Variants in LCOR observed in about 807,000 individuals in gnomAD.
The protein encoded by LCOR is ligand dependent nuclear receptor corepressor.
Under a neutral mutation model 64.4 loss-of-function variants are expected in LCOR, and 14 were observed. The ratio of observed to expected loss-of-function variants is 0.22; its 90% CI spans 0.14 to 0.34. LCOR has a LOEUF of 0.34. LCOR is among the 10% of genes least tolerant of loss of function. The pLI is 1.00. For synonymous variants in LCOR, 643 were observed against 642.5 expected, an observed-to-expected ratio of 1.00 and a Z score of -0.01; for missense variants, 1,686 against 1,765.3, an observed-to-expected ratio of 0.96 and a Z score of 0.80.
chr10:96,983,370 G>C lies in LCOR; in HGVS notation c.2910G>C (p.Arg970Ser). ...CCTCAGAAAGTATTGCTTGTAAGAG[G>C]GACCCAGAACAGGCAAAAGAAGAGC... ...HIPSESIACK[R>S]DPEQAKEEPG... Residue 970 changes from arginine to serine, a missense_variant, in exon 8 of 8, where the codon AGG becomes AGC. Physicochemically the swap from Arg to Ser is moderately radical, Grantham distance 110. Transcript: ENST00000421806. This position sits in a 1 kb window ranked among gnomAD's most constrained non-coding sequence, Gnocchi z 4.5. 6.2e-7 allele frequency: 1 copy of C among 1,614,166 alleles called. No homozygotes were observed.
Position 96,989,684 on chromosome 10 carries a change from TATATATA to T in LCOR, c.*4551_*4557del, listed in dbSNP as rs1239482476. On this transcript the variant is annotated 3_prime_UTR_variant, in exon 8 of 8. Coordinates refer to ENST00000421806, the MANE Select transcript of LCOR (RefSeq NM_001346516.2). ...AAACTCAAGGATAAGGATATATATA[TATATATA>T]TATATTTTTTTTTTTTTTTTTTTTT... 1.4e-5 allele frequency: 1 copy of T among 72,794 alleles called. No homozygotes were observed. The highest frequency in any genetic ancestry group is 8.1e-5 in the African/African-American group (1 of 12,346). The allele number at this position is 72,794 out of a possible 1,614,324, so 4.5% of individuals were successfully genotyped here. A position where few individuals can be genotyped will look rare whatever the true frequency, so the allele number is the denominator to read the frequency against.
chr10:96,862,459 TTTCACCATA>T (rs1190195997), intron 2 of LCOR, among the ~76,000 whole-genome samples: 1 of 151,998 alleles, frequency 6.6e-6, no homozygotes, highest in African/African-American at 2.4e-5. Context: ...AGAGATGGGG[TTTCACCATA>T]TTACCCAGGC....
At chr10:96,931,968 G>A (rs1847269307) in intron 4 of LCOR, among the ~76,000 whole-genome samples, 3 of 152,124 alleles carry the variant, frequency 2.0e-5, no homozygotes, top group African/African-American at 7.2e-5. Flanking sequence ...ATGCTATTGT[G>A]ATCAAAAACA....
chr10:96,915,100 C>T (rs1564624183), intron 4 of LCOR, among the ~76,000 whole-genome samples: 1 of 152,188 alleles, frequency 6.6e-6, no homozygotes, highest in Non-Finnish European at 1.5e-5. Context: ...TCTCTCAAAA[C>T]TAGGAGGGAA....
At chr10:96,930,186 G>A (rs6584106) in intron 4 of LCOR, among the ~76,000 whole-genome samples, 7,467 of 152,128 alleles carry the variant, frequency 0.049, 619 homozygotes, top group African/African-American at 0.17. Context: ...TGAAAGACAC[G>A]GTATCTGCCA....
intron 6 of LCOR, among the ~76,000 whole-genome samples, chr10:96,951,047 A>G (rs1438461370): frequency 1.3e-5 from 2 of 152,236 alleles, no homozygotes; most frequent in Non-Finnish European, 2.9e-5. Flanking sequence ...CGGAAATAAA[A>G]TGTCCTCAGA....
chr10:96,896,310 A>G (rs780363798), intron 2 of LCOR, among the ~76,000 whole-genome samples: 12 of 152,204 alleles, frequency 7.9e-5, no homozygotes, highest in Non-Finnish European at 1.6e-4. Flanking sequence ...ACATACCTCA[A>G]ATAGAGTTGA....
Position 96,985,987 on chromosome 10 carries a change from T to A in LCOR, c.*853T>A, listed in dbSNP as rs535283861. On this transcript the variant is annotated 3_prime_UTR_variant, in exon 8 of 8. Transcript: ENST00000421806. ...AGGAAAAAGCCTAGGATTTTTTTTT[T>A]CCATCTTGTAGCTGTAATTTGATGA... 6.0e-6 allele frequency: 1 copy of A among 167,194 alleles called. No homozygotes were observed. Among genetic ancestry groups the A allele is most frequent in the African/African-American group, 2.4e-5 (1 of 41,578 alleles). 10.4% of individuals were successfully genotyped at this position (167,194 alleles called of 1,614,324 possible).
rs756722720 is a variant in LCOR at position 96,982,015 on chromosome 10, C to T, written c.1555C>T (p.Leu519=). ...TTGTGAGCTGCCAACTGTTCGTACACTGGCCAGAAATTTACACTCCCAGGA... is the reference window on the plus strand; with the variant it reads ...TTGTGAGCTGCCAACTGTTCGTACATTGGCCAGAAATTTACACTCCCAGGA... The part of the protein sequence containing the change: ...DCCELPTVRT[L]ARNLHSQEKA... Residue 519 remains leucine, a synonymous_variant, in exon 8 of 8, where the codon CTG becomes TTG. Coordinates refer to ENST00000421806, the MANE Select transcript of LCOR (RefSeq NM_001346516.2). 3.7e-6 allele frequency: 6 copies of T among 1,614,062 alleles called. No individual in the cohort carries two copies. Among genetic ancestry groups the T allele is most frequent in the Non-Finnish European group, 5.1e-6 (6 of 1,180,044 alleles).
chr10:96,873,349 G>A (rs1846103882), intron 2 of LCOR, among the ~76,000 whole-genome samples: 1 of 152,078 alleles, frequency 6.6e-6, no homozygotes, highest in African/African-American at 2.4e-5. Context: ...GACAGTGGTT[G>A]TGCTTTGAAA....
chr10:96,896,499 G>A (rs902914577), intron 2 of LCOR, among the ~76,000 whole-genome samples: 4 of 151,916 alleles, frequency 2.6e-5, no homozygotes, highest in East Asian at 3.9e-4. Flanking sequence ...TCTTGGCTCA[G>A]TGCAGCCTCC....
In LCOR at chr10:96,949,184, C is replaced by T. The variant is rs976205751; in HGVS notation, c.127C>T (p.Pro43Ser). ...GAAAGCATCTCCAGTCACCACCTCT[C>T]CCACGGCTGCAACTACTCAGAACCC... ...LPKASPVTTSPTAATTQNPVL... is the reference protein window; with the variant it reads ...LPKASPVTTSSTAATTQNPVL... Residue 43 changes from proline to serine, a missense_variant, in exon 6 of 8, where the codon CCC (proline) becomes TCC (serine). Physicochemically the swap from Pro to Ser is moderately conservative, Grantham distance 74 (BLOSUM62 -1). Around this residue, in one of 3 missense-constraint regions of LCOR, gnomAD observed 80 missense variants for 107.7 expected, o/e 0.74. Coordinates refer to ENST00000421806, the MANE Select transcript of LCOR (RefSeq NM_001346516.2). The T allele has an allele frequency of 1.5e-5, 25 of 1,614,146 alleles. No homozygotes were observed. The highest frequency in any genetic ancestry group is 1.9e-5 in the Non-Finnish European group (22 of 1,180,016).
intron 4 of LCOR, among the ~76,000 whole-genome samples, chr10:96,930,382 A>G (rs2134488069): frequency 6.6e-6 from 1 of 152,310 alleles, no homozygotes; most frequent in South Asian, 2.1e-4. Flanking sequence ...TATAAAGTTT[A>G]TAAAGATTAT....
Position 96,984,549 on chromosome 10 carries a change from G to A in LCOR, c.4089G>A (p.Val1363=). 6.2e-7 allele frequency: 1 copy of A among 1,614,168 alleles called. No individual in the cohort carries two copies. The highest frequency in any genetic ancestry group is 8.5e-7 in the Non-Finnish European group (1 of 1,180,022). The part of the protein sequence containing the change: ...PLMSPKLALQ[V]DADGFPVKPK... ...TGTCCCCCAAGCTTGCCCTGCAAGT[G>A]GATGCAGATGGGTTTCCTGTTAAGC... Residue 1363 remains valine, a synonymous_variant, in exon 8 of 8, where the codon GTG becomes GTA. Coordinates refer to ENST00000421806, the MANE Select transcript of LCOR (RefSeq NM_001346516.2).
At chr10:96,956,114 T>G (rs550205615) in intron 7 of LCOR, 1 of 1,409,226 alleles carries the variant, frequency 7.1e-7, no homozygotes, top group South Asian at 1.6e-5. Context: ...ATGTGCAGTA[T>G]GGCTCGGAAT....
chr10:96,946,638 G>A lies in LCOR; in HGVS notation c.-50-2370G>A, dbSNP rs74153740. On this transcript the variant is annotated intron_variant, in intron 5 of 7. Transcript: ENST00000421806. ...ATATGTTTGTAGATGTGTATTTTAA[G>A]TATGTCAAAGAATGAAATCTGTTCA... is the stretch of plus-strand genomic sequence containing the variant. Among the ~76,000 whole-genome samples, 1,516 of 152,082 alleles carry A rather than the reference G, an allele frequency of 1.0e-2. 22 individuals are homozygous for A. Among genetic ancestry groups the A allele is most frequent in the African/African-American group, 0.031 (1,300 of 41,536 alleles).
chr10:96,864,341 CT>C (rs563844918), intron 2 of LCOR, among the ~76,000 whole-genome samples: 88 of 152,228 alleles, frequency 5.8e-4, no homozygotes, highest in African/African-American at 2.1e-3. Flanking sequence ...GGTGTATTGA[CT>C]TTCAGTTGAT....
chr10:96,940,247 A>G (rs375155102), intron 4 of LCOR, among the ~76,000 whole-genome samples: 11 of 149,972 alleles, frequency 7.3e-5, no homozygotes, highest in African/African-American at 2.2e-4. Flanking sequence ...AGTTAACGTG[A>G]TACGGAAATT....
rs557041189 is a variant in LCOR, at chr10:96,920,650, A to G, written c.-184+12903A>G. The stretch of plus-strand genomic sequence containing the variant: ...TATGTACATTCATATATGTGTATAT[A>G]TGTGTATATATGTATATATGTATAT... On this transcript the variant is annotated intron_variant, in intron 4 of 7. Coordinates refer to ENST00000421806, the MANE Select transcript of LCOR (RefSeq NM_001346516.2). Among the ~76,000 whole-genome samples the G allele has an allele frequency of 7.3e-4, 101 of 138,744 alleles. 5 individuals are homozygous for G. Among genetic ancestry groups the G allele is most frequent in the African/African-American group, 2.9e-3 (95 of 33,294 alleles). 91.0% of individuals were successfully genotyped at this position (138,744 alleles called of 152,430 possible). A position where few individuals can be genotyped will look rare whatever the true frequency, so the allele number is the denominator to read the frequency against.
Sources: allele counts gnomAD v4.1 joint callset (sites outside exome capture counted in the v4.1 genomes callset), GRCh38; gene constraint gnomAD v4.1.1; regional missense constraint gnomAD v4.1.1; non-coding constraint Gnocchi (gnomAD v3.1); transcripts MANE v1.5; gene names NCBI Gene and HGNC (gene_info 2026-07-23, HGNC 2026-07-21).